Variants in TMEM117 observed in about 807,000 individuals in gnomAD.
The protein encoded by TMEM117 is transmembrane protein 117.
A neutral mutation model predicts 52.4 loss-of-function variants in TMEM117; 27 were observed. That is an observed-to-expected ratio of 0.51 (90% CI 0.38 to 0.71). TMEM117 has a LOEUF of 0.71. Ranked by LOEUF, TMEM117 falls within the 30% of genes least tolerant of loss-of-function variation. The probability of loss-of-function intolerance (pLI) is 0.00; values close to 1 mark genes in which losing one functional copy is unlikely to be tolerated. For missense variants in TMEM117, 556 were observed against 630.5 expected, an observed-to-expected ratio of 0.88 and a Z score of 1.26; for synonymous variants, 215 against 206.3, an observed-to-expected ratio of 1.04 and a Z score of -0.36.
chr12:43,884,235 T>C (rs560777987), intron 2 of TMEM117, among the ~76,000 whole-genome samples: 2 of 152,184 alleles, frequency 1.3e-5, no homozygotes, highest in Admixed American at 6.5e-5. Context: ...ATGACTATTT[T>C]ACTTGTATGA....
chr12:43,851,364 T>G (rs1234360246), intron 2 of TMEM117, among the ~76,000 whole-genome samples: 1 of 152,178 alleles, frequency 6.6e-6, no homozygotes, highest in East Asian at 1.9e-4. Context: ...TAGTTTAAAA[T>G]GGAATCTTTG....
chr12:44,093,591 C>T (rs946129700), intron 3 of TMEM117, among the ~76,000 whole-genome samples: 2 of 152,066 alleles, frequency 1.3e-5, no homozygotes, highest in Non-Finnish European at 1.5e-5. Flanking sequence ...ATTTCTCAAT[C>T]CAACCATGGG....
At chr12:43,797,253 A>G in the TMEM117 span, 1 of 1,524,222 alleles carries the variant, frequency 6.6e-7, no homozygotes, top group East Asian at 2.3e-5. Context: ...GGGCTGATAC[A>G]CCAATAAACA....
intron 3 of TMEM117, among the ~76,000 whole-genome samples, chr12:43,998,461 T>A (rs1197925179): frequency 6.6e-6 from 1 of 152,242 alleles, no homozygotes; most frequent in Admixed American, 6.5e-5. Flanking sequence ...TTGGTGTTTC[T>A]AGACCATTGA....
At chr12:44,027,101 T>TTTATCTTA (rs1946545927) in intron 3 of TMEM117, among the ~76,000 whole-genome samples, 2 of 146,782 alleles carry the variant, frequency 1.4e-5, no homozygotes, top group African/African-American at 2.5e-5. Flanking sequence ...TTTATTTTAT[T>TTTATCTTA]TTATTTTATT....
chr12:44,291,993 A>G (rs180856748), intron 5 of TMEM117, among the ~76,000 whole-genome samples: 5 of 152,146 alleles, frequency 3.3e-5, no homozygotes, highest in Middle Eastern at 6.8e-3. Context: ...GAATAATGCT[A>G]GCTTCTTAAA....
At chr12:44,256,960 G>A (rs994190575) in intron 5 of TMEM117, among the ~76,000 whole-genome samples, 27 of 150,920 alleles carry the variant, frequency 1.8e-4, no homozygotes, top group African/African-American at 5.8e-4. Context: ...TCTTTTCCTG[G>A]TCTGTGACTG....
intron 5 of TMEM117, among the ~76,000 whole-genome samples, chr12:44,223,326 C>T (rs117452870): frequency 6.6e-6 from 1 of 151,728 alleles, no homozygotes; most frequent in Non-Finnish European, 1.5e-5. Context: ...TTTCTTTACA[C>T]GAAGTTCTCC....
intron 2 of TMEM117, among the ~76,000 whole-genome samples, chr12:43,910,273 G>A (rs970536031): frequency 1.3e-5 from 2 of 151,412 alleles, no homozygotes; most frequent in African/African-American, 2.4e-5. Flanking sequence ...ATGCAGAAAA[G>A]GCCTTTGACA....
intron 6 of TMEM117, among the ~76,000 whole-genome samples, chr12:44,347,092 C>T (rs1007847083): frequency 2.0e-5 from 3 of 151,958 alleles, no homozygotes; most frequent in Non-Finnish European, 4.4e-5. Context: ...CACACACACA[C>T]GTAGAGCAAA....
intron 1 of TMEM117, among the ~76,000 whole-genome samples, chr12:43,841,598 G>A (rs1163262783): frequency 6.6e-6 from 1 of 152,152 alleles, no homozygotes; most frequent in East Asian, 1.9e-4. Flanking sequence ...CACGAAGCAA[G>A]TTTCCGAACT....
intron 3 of TMEM117, among the ~76,000 whole-genome samples, chr12:44,119,061 A>G (rs1948191775): frequency 6.6e-6 from 1 of 152,216 alleles, no homozygotes; most frequent in Non-Finnish European, 1.5e-5. Context: ...TCCAGAGTGA[A>G]CAAAAGTAGC....
the TMEM117 span, chr12:43,797,173 A>T: frequency 6.7e-7 from 1 of 1,493,696 alleles, no homozygotes; most frequent in Non-Finnish European, 9.1e-7. Context: ...TATAAACTTC[A>T]TAAAAACAAG....
chr12:44,105,816 A>G (rs78584205), intron 3 of TMEM117, among the ~76,000 whole-genome samples: 2,125 of 152,156 alleles, frequency 0.014, 13 homozygotes, highest in Middle Eastern at 0.024. Flanking sequence ...TCTTGAGGGC[A>G]GGTCTCGTGA....
chr12:44,398,754 A>G, the TMEM117 span, among the ~76,000 whole-genome samples: 1 of 152,200 alleles, frequency 6.6e-6, no homozygotes, highest in East Asian at 1.9e-4. Flanking sequence ...TGCACAAAAA[A>G]CCAACTGAAA....
intron 2 of TMEM117, among the ~76,000 whole-genome samples, chr12:43,940,805 A>C (rs1161296028): frequency 1.3e-5 from 2 of 152,192 alleles, no homozygotes; most frequent in Non-Finnish European, 2.9e-5. Flanking sequence ...CGGCCTCCCA[A>C]AGTGCTGGGA....
At chr12:44,200,055 G>A (rs989173088) in intron 4 of TMEM117, among the ~76,000 whole-genome samples, 7 of 152,174 alleles carry the variant, frequency 4.6e-5, no homozygotes, top group Non-Finnish European at 7.3e-5. Context: ...GGAGATGGAG[G>A]TTGCAGTGAG....
chr12:44,077,243 A>C (rs1947396951), intron 3 of TMEM117, among the ~76,000 whole-genome samples: 2 of 152,204 alleles, frequency 1.3e-5, no homozygotes, highest in African/African-American at 2.4e-5. Context: ...TTTCTTTACT[A>C]GATGCTACTT....
intron 3 of TMEM117, among the ~76,000 whole-genome samples, chr12:44,138,538 T>A (rs1047874408): frequency 2.0e-5 from 3 of 152,158 alleles, no homozygotes; most frequent in Admixed American, 6.6e-5. Flanking sequence ...ATACTCTGTC[T>A]CCCGTCTTCT....
Sources: gnomAD v4.1 joint callset for allele counts (sites outside exome capture counted in the v4.1 genomes callset) on GRCh38, gnomAD v4.1.1 for gene constraint, MANE v1.5 for transcripts, NCBI Gene and HGNC (gene_info 2026-07-23, HGNC 2026-07-21) for gene names.